AFF3: variants seen among roughly 807,000 people sequenced by gnomAD.
The protein encoded by AFF3 is AF4/FMR2 family member 3.
AFF3 carries 32 observed loss-of-function variants against 129.7 expected under a neutral mutation model. The ratio of observed to expected loss-of-function variants is 0.25; its 90% confidence interval spans 0.19 to 0.33. AFF3 has a LOEUF of 0.33. Among genes scored for constraint, AFF3 ranks in the 10% least tolerant of loss-of-function variants. AFF3 has a pLI of 1.00. For synonymous variants in AFF3, 644 were observed against 635.4 expected (o/e 1.01, Z -0.20); for missense variants, 1,373 against 1,592.0 (o/e 0.86, Z 2.34).
chr2:99,916,056 T>G (rs11889870), intron 7 of AFF3, among the ~76,000 whole-genome samples: 3,950 of 152,272 alleles, frequency 0.026, 164 homozygotes, highest in African/African-American at 0.088. Context: ...ACTAGATGGA[T>G]CTTTTCTCAA....
intron 8 of AFF3, among the ~76,000 whole-genome samples, chr2:99,783,080 A>G (rs1378774289): frequency 1.3e-5 from 2 of 152,226 alleles, no homozygotes; most frequent in Non-Finnish European, 2.9e-5. Flanking sequence ...GGCAGAGGAT[A>G]GCGGTAGATA....
At chr2:99,927,385 T>C (rs1696327237) in intron 7 of AFF3, among the ~76,000 whole-genome samples, 1 of 152,182 alleles carries the variant, frequency 6.6e-6, no homozygotes, top group Non-Finnish European at 1.5e-5. Context: ...CACCATGGGA[T>C]ACTATGCAGC....
chr2:99,784,560 A>C (rs550248951), intron 8 of AFF3, among the ~76,000 whole-genome samples: 1 of 152,360 alleles, frequency 6.6e-6, no homozygotes, highest in South Asian at 2.1e-4. Context: ...GCAAGTTCAC[A>C]TTACATGCTA....
At chr2:99,670,051 TACAA>T (rs1276374201) in intron 12 of AFF3, among the ~76,000 whole-genome samples, 10 of 152,176 alleles carry the variant, frequency 6.6e-5, no homozygotes, top group Non-Finnish European at 1.3e-4. Flanking sequence ...ATTCCAATTT[TACAA>T]ACAGAGACAC....
chr2:99,957,646 C>T (rs1676792895), intron 7 of AFF3, among the ~76,000 whole-genome samples: 1 of 152,208 alleles, frequency 6.6e-6, no homozygotes, highest in South Asian at 2.1e-4. Context: ...TTAGAAAGAT[C>T]TTTCACTAGT....
At chr2:99,990,535 C>T (rs770719262) in intron 7 of AFF3, among the ~76,000 whole-genome samples, 1 of 151,894 alleles carries the variant, frequency 6.6e-6, no homozygotes, top group African/African-American at 2.4e-5. Context: ...GACGTTTGTC[C>T]ATAAATTGTT....
intron 8 of AFF3, among the ~76,000 whole-genome samples, chr2:99,826,629 T>C (rs1037794971): frequency 6.6e-6 from 1 of 151,850 alleles, no homozygotes; most frequent in Non-Finnish European, 1.5e-5. Flanking sequence ...CCAGAGGTGA[T>C]GGTGAGAGCA....
In AFF3 at chr2:99,620,667, T is replaced by C. The variant is rs377106023; in HGVS notation, c.1185-19046A>G. Among the ~76,000 whole-genome samples the C allele has an allele frequency of 5.0e-4, 76 of 152,202 alleles. 1 individual carries two copies. In the East Asian group the frequency reaches 9.1e-3, roughly 18 times the overall value. Reference sequence around the variant, plus strand: ...AAATCCCCAAAGACCCTCTGAAACTTTGGATATTTGTCCTGTCCAAATCAC... The same window carrying C: ...AAATCCCCAAAGACCCTCTGAAACTCTGGATATTTGTCCTGTCCAAATCAC... On this transcript the variant is annotated intron_variant, in intron 13 of 24. Transcript: ENST00000672756.
At chr2:100,062,205 G>T (rs1687349218) in intron 4 of AFF3, among the ~76,000 whole-genome samples, 1 of 152,196 alleles carries the variant, frequency 6.6e-6, no homozygotes, top group Non-Finnish European at 1.5e-5. Context: ...CAATGTGGGA[G>T]CAAGGGAAGG....
chr2:99,650,796 ATGTGTGTGTGTG>A (rs142082185), intron 12 of AFF3, among the ~76,000 whole-genome samples: 6 of 144,756 alleles, frequency 4.1e-5, no homozygotes, highest in South Asian at 2.2e-4. Flanking sequence ...ACTAAAATTA[ATGTGTGTGTGTG>A]TGTGTGTGTG....
intron 7 of AFF3, among the ~76,000 whole-genome samples, chr2:99,922,280 C>T (rs1695911706): frequency 6.6e-6 from 1 of 152,116 alleles, no homozygotes; most frequent in South Asian, 2.1e-4. Context: ...TTACAATATC[C>T]ACATTCATTT....
intron 4 of AFF3, among the ~76,000 whole-genome samples, chr2:100,050,976 CCAGA>C (rs1264774344): frequency 6.6e-6 from 1 of 152,228 alleles, no homozygotes; most frequent in African/African-American, 2.4e-5. Flanking sequence ...CCTCTCCTAC[CCAGA>C]CAGAGAAACT....
chr2:99,972,327 A>C (rs751438483), intron 7 of AFF3, among the ~76,000 whole-genome samples: 33 of 152,258 alleles, frequency 2.2e-4, no homozygotes, highest in Non-Finnish European at 3.5e-4. Flanking sequence ...AGCAAGTCCA[A>C]GAGAATTCTT....
chr2:99,582,696 GGACCTCAAGC>G lies in AFF3; in HGVS notation c.2793+92_2793+101del, dbSNP rs2104833007. 2.3e-6 allele frequency: 3 copies of G among 1,279,412 alleles called. No individual in the cohort carries two copies. In the African/African-American group the frequency reaches 4.4e-5, roughly 19 times the overall value. The allele number at this position is 1,279,412 out of a possible 1,614,324, so 79.3% of individuals were successfully genotyped here. ...CGGGAGGCATTCAGGAATTCTCAAG[GGACCTCAAGC>G]ATGTGTTCAGACTGTGCTAGGTTAG... On this transcript the variant is annotated intron_variant, in intron 17 of 24. Transcript: ENST00000672756.
chr2:99,573,935 G>A (rs762753160), intron 18 of AFF3, among the ~76,000 whole-genome samples: 15 of 152,164 alleles, frequency 9.9e-5, no homozygotes, highest in Admixed American at 2.0e-4. Context: ...AGAACGGTGG[G>A]CAGGATGGAG....
chr2:100,006,486 T>G, intron 7 of AFF3, 146 bp downstream of exon 7: 1 of 984,570 alleles, frequency 1.0e-6, no homozygotes, highest in Non-Finnish European at 1.4e-6. Context: ...TAAGTCTGCC[T>G]CCCCTTTCAG....
intron 12 of AFF3, among the ~76,000 whole-genome samples, chr2:99,654,796 C>T (rs373028466): frequency 6.6e-6 from 1 of 152,144 alleles, no homozygotes; most frequent in East Asian, 1.9e-4. Context: ...TCAGGTTCTC[C>T]TCAAGAGATG....
chr2:99,909,494 T>C (rs918187669), intron 7 of AFF3, among the ~76,000 whole-genome samples: 9 of 151,404 alleles, frequency 5.9e-5, no homozygotes, highest in Admixed American at 4.6e-4. Context: ...TTAGGAGATA[T>C]ACCTAATGCT....
At chr2:99,967,402 G>C (rs1424679932) in intron 7 of AFF3, among the ~76,000 whole-genome samples, 2 of 152,086 alleles carry the variant, frequency 1.3e-5, no homozygotes, top group East Asian at 3.9e-4. Context: ...CTTTCCTATG[G>C]ACGTTCCACT....
Sources: gnomAD v4.1 joint callset for allele counts (sites outside exome capture counted in the v4.1 genomes callset) on GRCh38, gnomAD v4.1.1 for gene constraint, MANE v1.5 for transcripts, NCBI Gene and HGNC (gene_info 2026-07-23, HGNC 2026-07-21) for gene names.